The following ZFAND4 variants were observed in gnomAD, a reference collection of about 807,000 sequenced individuals.
The protein encoded by ZFAND4 is AN1-type zinc finger protein 4.
ZFAND4 carries 43 observed loss-of-function variants against 64.4 expected under a neutral mutation model. The observed-to-expected ratio is 0.67, with a 90% CI of 0.52 to 0.86. ZFAND4 has a LOEUF of 0.86. Among genes scored for constraint, ZFAND4 ranks in the 40% least tolerant of loss-of-function variants. The pLI is 0.00. For synonymous variants in ZFAND4, 296 were observed against 305.7 expected, an observed-to-expected ratio of 0.97 and a Z score of 0.33; for missense variants, 929 against 859.8, an observed-to-expected ratio of 1.08 and a Z score of -1.01.
chr10:45,633,421 A>C (rs1369845826), intron 6 of ZFAND4, among the ~76,000 whole-genome samples: 2 of 152,078 alleles, frequency 1.3e-5, no homozygotes, highest in African/African-American at 4.8e-5. Context: ...ACAATGAAAA[A>C]TCAAGCCCGG....
At position 45,672,325 on chromosome 10, in the gene ZFAND4, C is replaced by T. The variant is rs1353222727; in HGVS notation, c.-193G>A. 1 of 152,300 alleles carries T rather than the reference C, an allele frequency of 6.6e-6. No homozygotes were observed. Among genetic ancestry groups the T allele is most frequent in the Non-Finnish European group, 1.5e-5 (1 of 68,102 alleles). The allele number at this position is 152,300 out of a possible 1,614,324, so 9.4% of individuals were successfully genotyped here. A position where few individuals can be genotyped will look rare whatever the true frequency, so the allele number is the denominator to read the frequency against. On this transcript the variant is annotated 5_prime_UTR_variant, in exon 1 of 10. Coordinates refer to ENST00000344646, the MANE Select transcript of ZFAND4 (RefSeq NM_174890.4). ...ATCCGGGCTCCCCAGACCCACCGGC[C>T]TGAATCTGGAGGACAGCAGTCCGCG...
chr10:45,624,512 G>A (rs2045655797), intron 8 of ZFAND4, 71 bp downstream of exon 8: 1 of 1,439,604 alleles, frequency 6.9e-7, no homozygotes, highest in Admixed American at 1.7e-5. Flanking sequence ...ATTTCTCTTT[G>A]AAAATTCAAC....
intron 2 of ZFAND4, among the ~76,000 whole-genome samples, 197 bp downstream of exon 2, chr10:45,663,345 T>A (rs554341241): frequency 6.6e-6 from 1 of 152,342 alleles, no homozygotes; most frequent in South Asian, 2.1e-4. Flanking sequence ...CCAAAGAATC[T>A]GGTGAACACA....
chr10:45,616,364 A>G lies in ZFAND4; in HGVS notation c.*72T>C, dbSNP rs922184361. 5.8e-6 allele frequency: 9 copies of G among 1,557,722 alleles called. No homozygotes were observed. The highest frequency in any genetic ancestry group is 2.0e-5 in the Admixed American group (1 of 50,732). Reference sequence around the variant, plus strand: ...AATCTTTTAGAGTCGAACAAAAATAATAGTCTAAACAACATTTCTTCTGTC... The same window carrying G: ...AATCTTTTAGAGTCGAACAAAAATAGTAGTCTAAACAACATTTCTTCTGTC... On this transcript the variant is annotated 3_prime_UTR_variant, in exon 10 of 10. Transcript: ENST00000344646.
intron 3 of ZFAND4, 101 bp from the exon 4 acceptor site, chr10:45,652,134 T>G (rs531213752): frequency 6.7e-6 from 7 of 1,038,084 alleles, no homozygotes; most frequent in South Asian, 6.7e-5. Flanking sequence ...GTGGCCACTC[T>G]CTAAAATATA....
intron 5 of ZFAND4, among the ~76,000 whole-genome samples, 160 bp downstream of exon 5, chr10:45,648,134 C>T (rs1444068897): frequency 6.6e-6 from 1 of 152,028 alleles, no homozygotes; most frequent in Non-Finnish European, 1.5e-5. Context: ...TTTATGAAAA[C>T]ATCCCACTCT....
chr10:45,666,415 A>G lies in ZFAND4; in HGVS notation c.-117-2573T>C, dbSNP rs2048829676. Among the ~76,000 whole-genome samples, 3 of 152,220 alleles carry G rather than the reference A, an allele frequency of 2.0e-5. No homozygotes were observed. In the South Asian group the frequency reaches 6.2e-4, roughly 32 times the overall value. On this transcript the variant is annotated intron_variant, in intron 1 of 9. Transcript: ENST00000344646. Reference sequence around the variant, plus strand: ...TTAATTGGATTTTTTATTGAGTTGTATGAGTTTTTATATTACATATTCTAG... The same window carrying G: ...TTAATTGGATTTTTTATTGAGTTGTGTGAGTTTTTATATTACATATTCTAG...
Position 45,626,697 on chromosome 10 carries a change from A to G in ZFAND4, c.1126T>C (p.Ser376Pro). 1.9e-6 allele frequency: 3 copies of G among 1,614,206 alleles called. No homozygotes were observed. The highest frequency in any genetic ancestry group is 8.5e-7 in the Non-Finnish European group (1 of 1,180,034). The change falls in exon 7 of 10, where the codon TCT becomes CCT. Residue 376 changes from serine (S) to proline (P), a missense_variant. Coordinates refer to ENST00000344646, the MANE Select transcript of ZFAND4 (RefSeq NM_174890.4). ...GGTAAGACAATGTTCCCATTACTAG[A>G]TGGCAAGTTTCCTAAAAAATGTTTT... is the stretch of plus-strand genomic sequence containing the variant. ...QTKHFLGNLP[S>P]SNGNIVLPSE...
intron 2 of ZFAND4, among the ~76,000 whole-genome samples, chr10:45,657,746 C>T (rs1257541396): frequency 4.6e-5 from 7 of 151,922 alleles, no homozygotes; most frequent in Non-Finnish European, 8.8e-5. Context: ...GAACATTACT[C>T]GGCCATAAAC....
In ZFAND4 at chr10:45,648,527, T is replaced by G. The variant is rs4949014; in HGVS notation, c.336A>C (p.Thr112=). Reference sequence around the variant, plus strand: ...CTGCCATCTTCCTAAGTGGATCGTCTGTAGGAACTACAAATGGAAAATTGA... The same window carrying G: ...CTGCCATCTTCCTAAGTGGATCGTCGGTAGGAACTACAAATGGAAAATTGA... ...GGPINTRRVP[T]DDPLRKMAEY... The change falls in exon 5 of 10, where the codon ACA becomes ACC. Residue 112 remains threonine (T), a synonymous_variant. Transcript: ENST00000344646. The G allele has an allele frequency of 1.1e-4, 169 of 1,595,160 alleles. 1 individual carries two copies. Among genetic ancestry groups the G allele is most frequent in the Admixed American group, 9.6e-4 (53 of 55,106 alleles).
intron 4 of ZFAND4, chr10:45,650,659 T>C (rs1308328977): frequency 6.6e-6 from 1 of 152,166 alleles, no homozygotes; most frequent in Non-Finnish European, 1.5e-5. Flanking sequence ...TACGCACAAA[T>C]AACCAACTTT....
Position 45,625,910 on chromosome 10 carries a change from C to T in ZFAND4, c.1872+41G>A, listed in dbSNP as rs776345308. The T allele has an allele frequency of 3.2e-6, 5 of 1,561,514 alleles. No homozygotes were observed. In the African/African-American group the frequency reaches 6.9e-5, roughly 22 times the overall value. On this transcript the variant is annotated intron_variant, in intron 7 of 9. Coordinates refer to ENST00000344646, the MANE Select transcript of ZFAND4 (RefSeq NM_174890.4). Reference sequence around the variant, plus strand: ...AAACTTTAAATAAGTTGAATCACTACAAGGATAACTACTAGAGCATGTTGA... The same window carrying T: ...AAACTTTAAATAAGTTGAATCACTATAAGGATAACTACTAGAGCATGTTGA...
chr10:45,626,480 A>C lies in ZFAND4; in HGVS notation c.1343T>G (p.Val448Gly), dbSNP rs781203673. The C allele has an allele frequency of 7.4e-6, 12 of 1,613,430 alleles. No individual in the cohort carries two copies. The South Asian group carries it at 1.1e-4, about 15-fold the overall frequency. The change falls in exon 7 of 10, where the codon GTG becomes GGG. Residue 448 changes from valine (V) to glycine (G), a missense_variant. By Grantham distance (109) the Val-to-Gly change is moderately radical (BLOSUM62 -3). Transcript: ENST00000344646. ...AGTCTCTACTGATTCCCCATTCAGC[A>C]CTCCTGCAACATGCTTGAGATGCTG... ...PEQHLKHVAG[V>G]LNGESVETSV...
chr10:45,649,052 A>G, intron 4 of ZFAND4: 1 of 534,356 alleles, frequency 1.9e-6, no homozygotes, highest in Non-Finnish European at 2.4e-6. Context: ...GCAGATCATG[A>G]AGTCAAGAGA....
intron 6 of ZFAND4, among the ~76,000 whole-genome samples, chr10:45,632,004 G>C (rs1486310982): frequency 6.6e-6 from 1 of 152,180 alleles, no homozygotes; most frequent in Non-Finnish European, 1.5e-5. Context: ...CTTCAGATGA[G>C]CTTCTTCTAA....
chr10:45,664,463 T>G (rs2048678326), intron 1 of ZFAND4, among the ~76,000 whole-genome samples: 1 of 151,678 alleles, frequency 6.6e-6, no homozygotes, highest in Admixed American at 6.6e-5. Flanking sequence ...GAGACGGGGT[T>G]TCACCACGTT....
chr10:45,623,978 G>C (rs1308279239), intron 8 of ZFAND4, among the ~76,000 whole-genome samples: 2 of 152,176 alleles, frequency 1.3e-5, no homozygotes, highest in East Asian at 3.8e-4. Context: ...TTGGTAACGA[G>C]TTTCCCATCC....
At chr10:45,659,441 C>G (rs1173881076) in intron 2 of ZFAND4, among the ~76,000 whole-genome samples, 3 of 152,158 alleles carry the variant, frequency 2.0e-5, no homozygotes, top group Non-Finnish European at 4.4e-5. Context: ...AATTTGAAGG[C>G]TCTGGCACTT....
chr10:45,670,225 A>ATTTT (rs202120323), intron 1 of ZFAND4, among the ~76,000 whole-genome samples: 1 of 138,532 alleles, frequency 7.2e-6, no homozygotes, highest in Non-Finnish European at 1.6e-5. Flanking sequence ...CAACTATCTG[A>ATTTT]TTTTTTTTTT....
Sources: gnomAD v4.1 joint callset for allele counts (sites outside exome capture counted in the v4.1 genomes callset) on GRCh38, gnomAD v4.1.1 for gene constraint, MANE v1.5 for transcripts, NCBI Gene and HGNC (gene_info 2026-07-23, HGNC 2026-07-21) for gene names.